STK32B: variants seen among roughly 807,000 people sequenced by gnomAD.
The protein encoded by STK32B is serine/threonine-protein kinase 32B.
A neutral mutation model predicts 52.6 loss-of-function variants in STK32B; 43 were observed. That is an observed-to-expected ratio of 0.82 (90% CI 0.64 to 1.05). STK32B has a LOEUF of 1.05. Among genes scored for constraint, STK32B ranks in the 50% least tolerant of loss-of-function variants. The pLI is 0.00. For synonymous variants in STK32B, 238 were observed against 204.3 expected (o/e 1.17, Z -1.41); for missense variants, 621 against 534.6 (o/e 1.16, Z -1.59).
At chr4:5,102,168 A>G (rs542704181) in intron 1 of STK32B, among the ~76,000 whole-genome samples, 16 of 152,318 alleles carry the variant, frequency 1.1e-4, no homozygotes, top group African/African-American at 3.6e-4. Flanking sequence ...GTTACTTCAC[A>G]TCACCGTGCC....
chr4:5,131,650 G>GT (rs910364929), intron 1 of STK32B, among the ~76,000 whole-genome samples: 9 of 152,296 alleles, frequency 5.9e-5, no homozygotes, highest in Middle Eastern at 3.4e-3. Flanking sequence ...TGTCATGCAT[G>GT]TTTTTTGCCA....
chr4:5,496,351 C>T lies in STK32B; in HGVS notation c.1107-2594C>T, dbSNP rs187597104. 5.2e-3 allele frequency among the ~76,000 whole-genome samples: 797 copies of T among 152,262 alleles called. 39 individuals carry two copies. In the East Asian group the frequency reaches 0.097, roughly 19 times the overall value. ...CTCAGACTGCTGTGCTAGCAATCAG[C>T]GAGACTCCGTGGGCATAGGACCCTC... On this transcript the variant is annotated intron_variant, in intron 11 of 11. Transcript: ENST00000282908.
chr4:5,181,544 G>A (rs1720361786), intron 3 of STK32B, among the ~76,000 whole-genome samples: 1 of 152,212 alleles, frequency 6.6e-6, no homozygotes, highest in African/African-American at 2.4e-5. Context: ...TGCCATTACA[G>A]GCATACGTCG....
chr4:5,328,337 G>A (rs1732009895), intron 3 of STK32B, among the ~76,000 whole-genome samples: 1 of 152,160 alleles, frequency 6.6e-6, no homozygotes, highest in Non-Finnish European at 1.5e-5. Flanking sequence ...CTTGGCATTT[G>A]GCATGTCTTT....
intron 1 of STK32B, chr4:5,139,575 G>A (rs2108831075): frequency 3.5e-6 from 1 of 286,882 alleles, no homozygotes; most frequent in African/African-American, 2.1e-5. Context: ...TTACTGGCAA[G>A]GCCGTACATT....
chr4:5,292,775 C>A (rs9990656), intron 3 of STK32B, among the ~76,000 whole-genome samples: 3,796 of 150,880 alleles, frequency 0.025, 85 homozygotes, highest in East Asian at 0.072. Context: ...GACTTTTTTT[C>A]TTTTTTTTTA....
chr4:5,383,700 A>G (rs1213341057), intron 4 of STK32B, among the ~76,000 whole-genome samples: 1 of 152,146 alleles, frequency 6.6e-6, no homozygotes, highest in Non-Finnish European at 1.5e-5. Context: ...CAGTGGACTC[A>G]CCCTGAAAAG....
chr4:5,298,461 C>A (rs1335846100), intron 3 of STK32B, among the ~76,000 whole-genome samples: 1 of 152,146 alleles, frequency 6.6e-6, no homozygotes, highest in Non-Finnish European at 1.5e-5. Context: ...GAGCTGCTAC[C>A]TTTCTTTCAG....
At chr4:5,048,296 ATTTT>A (rs934389483), upstream of STK32B, among the ~76,000 whole-genome samples, 2 of 111,862 alleles carry the variant, frequency 1.8e-5, no homozygotes, top group Non-Finnish European at 3.7e-5. Flanking sequence ...TGCCTGGCTA[ATTTT>A]TTTTTTTTTT....
In STK32B at chr4:5,294,458, G is replaced by T. The variant is rs1729071282; in HGVS notation, c.261-36762G>T. Among the ~76,000 whole-genome samples, 4 of 152,184 alleles carry T rather than the reference G, an allele frequency of 2.6e-5. No homozygotes were observed. The Middle Eastern group carries it at 0.014, about 521-fold the overall frequency. ...TCCTCTCTTATTGCCTTGAGCAGTGGTTTATAGTTCTCCTTGAAGGATTTC... is the reference window on the plus strand; with the variant it reads ...TCCTCTCTTATTGCCTTGAGCAGTGTTTTATAGTTCTCCTTGAAGGATTTC... On this transcript the variant is annotated intron_variant, in intron 3 of 11. Transcript: ENST00000282908.
intron 2 of STK32B, among the ~76,000 whole-genome samples, chr4:5,159,740 AATATATGAATGTATATGAAT>A (rs1718272935): frequency 7.7e-5 from 10 of 130,022 alleles, no homozygotes; most frequent in African/African-American, 3.3e-4. Context: ...TATATATATG[AATATATGAATGTATATGAAT>A]ATATATATGA....
intron 7 of STK32B, among the ~76,000 whole-genome samples, chr4:5,452,571 T>C (rs1164922551): frequency 1.3e-5 from 2 of 152,122 alleles, no homozygotes; most frequent in Non-Finnish European, 2.9e-5. Flanking sequence ...GCAGGGAAAG[T>C]GTTTCTCTGG....
intron 4 of STK32B, among the ~76,000 whole-genome samples, chr4:5,353,281 A>C (rs973883925): frequency 6.6e-6 from 1 of 152,194 alleles, no homozygotes; most frequent in Non-Finnish European, 1.5e-5. Flanking sequence ...TATATGTAAG[A>C]CAATAAACTA....
rs186945383 is a variant in STK32B at position 5,140,288 on chromosome 4, A to G, written c.108+328A>G. 7.8e-4 allele frequency: 1,048 copies of G among 1,350,178 alleles called. 7 individuals are homozygous for G. Among genetic ancestry groups the G allele is most frequent in the Non-Finnish European group, 7.6e-4 (779 of 1,028,838 alleles). The allele number at this position is 1,350,178 out of a possible 1,614,324, so 83.6% of individuals were successfully genotyped here. On this transcript the variant is annotated intron_variant, in intron 2 of 11. Transcript: ENST00000282908. ...CACAAAGGCAGCTCTTTCCAGCAAC[A>G]TAGACGTTTGTTGTTTTGGTAAGTT...
intron 4 of STK32B, among the ~76,000 whole-genome samples, chr4:5,392,556 C>A (rs374559718): frequency 1.1e-4 from 17 of 151,790 alleles, no homozygotes; most frequent in African/African-American, 3.9e-4. Context: ...TTTCATTTCC[C>A]CACCCACAGA....
Position 5,499,235 on chromosome 4 carries a change from G to T in STK32B, c.*152G>T, listed in dbSNP as rs1720548844. ...TTGGAGCTGGGAAGCCTGGGTTCTG[G>T]TCCCATCTCCATGACTGATTCACGT... On this transcript the variant is annotated 3_prime_UTR_variant, in exon 12 of 12. Coordinates refer to ENST00000282908, the MANE Select transcript of STK32B (RefSeq NM_018401.3). 1.8e-6 allele frequency: 2 copies of T among 1,128,392 alleles called. No homozygotes were observed. Among genetic ancestry groups the T allele is most frequent in the South Asian group, 1.9e-5 (1 of 51,776 alleles). 69.9% of individuals were successfully genotyped at this position (1,128,392 alleles called of 1,614,324 possible).
At chr4:5,102,292 T>A (rs1242299258) in intron 1 of STK32B, among the ~76,000 whole-genome samples, 1 of 152,106 alleles carries the variant, frequency 6.6e-6, no homozygotes, top group African/African-American at 2.4e-5. Context: ...CACCATGAGC[T>A]CCTCTGAGAG....
chr4:5,314,100 C>G (rs975154588), intron 3 of STK32B, among the ~76,000 whole-genome samples: 3 of 145,910 alleles, frequency 2.1e-5, no homozygotes, highest in African/African-American at 8.3e-5. Context: ...GTCACAGGGT[C>G]TATAATAGCT....
chr4:5,450,646 A>G (rs1307806374), intron 7 of STK32B, among the ~76,000 whole-genome samples: 1 of 152,202 alleles, frequency 6.6e-6, no homozygotes, highest in Non-Finnish European at 1.5e-5. Context: ...TTTTAAACAG[A>G]CTGAATATTC....
Sources: gnomAD v4.1 joint callset for allele counts (sites outside exome capture counted in the v4.1 genomes callset) on GRCh38, gnomAD v4.1.1 for gene constraint, MANE v1.5 for transcripts, NCBI Gene and HGNC (gene_info 2026-07-23, HGNC 2026-07-21) for gene names.